The following ROCK1 variants were observed in gnomAD, a reference collection of about 807,000 sequenced individuals.
The protein encoded by ROCK1 is Rho associated coiled-coil containing protein kinase 1, also known as rho-associated protein kinase 1.
In ROCK1, 36 loss-of-function variants were observed where a neutral mutation model predicts 196.8. The observed-to-expected ratio is 0.18, with a 90% CI of 0.14 to 0.24. The LOEUF is 0.24. Among genes scored for constraint, ROCK1 ranks in the 10% least tolerant of loss-of-function variants. ROCK1 has a pLI of 1.00. For missense variants in ROCK1, 920 were observed against 1,562.0 expected (o/e 0.59, Z 6.93); for synonymous variants, 443 against 515.9 (o/e 0.86, Z 1.91).
At chr18:21,005,189 A>G (rs950611250) in intron 16 of ROCK1, among the ~76,000 whole-genome samples, 1 of 152,228 alleles carries the variant, frequency 6.6e-6, no homozygotes, top group African/African-American at 2.4e-5. Flanking sequence ...TTGAAAACAA[A>G]CTGAATTTTA....
At position 21,044,194 on chromosome 18, in the gene ROCK1, A is replaced by G; in HGVS notation, c.591-8T>C. The G allele has an allele frequency of 6.2e-7, 1 of 1,603,076 alleles. No homozygotes were observed. The highest frequency in any genetic ancestry group is 8.5e-7 in the Non-Finnish European group (1 of 1,173,048). On this transcript the variant is annotated splice_polypyrimidine_tract_variant and splice_region_variant and intron_variant, in intron 5 of 32. Coordinates refer to ENST00000399799, the MANE Select transcript of ROCK1 (RefSeq NM_005406.3). Reference sequence around the variant, plus strand: ...TTATCAGGCTTCACATCTCTGCAGGAGGGAAAAAATAGTACAGTATTTTCT... The same window carrying G: ...TTATCAGGCTTCACATCTCTGCAGGGGGGAAAAAATAGTACAGTATTTTCT...
At chr18:20,986,626 G>C (rs1431028705) in intron 19 of ROCK1, among the ~76,000 whole-genome samples, 3 of 152,056 alleles carry the variant, frequency 2.0e-5, no homozygotes, top group African/African-American at 7.2e-5. Flanking sequence ...CTTTTCTTTG[G>C]GGATATAAGA....
intron 29 of ROCK1, among the ~76,000 whole-genome samples, chr18:20,957,905 C>T (rs2035261271): frequency 6.6e-6 from 1 of 152,088 alleles, no homozygotes; most frequent in Non-Finnish European, 1.5e-5. Context: ...ACCTTGGTCT[C>T]CCAAAGTGCT....
At chr18:21,024,573 A>T (rs1436393061) in intron 10 of ROCK1, among the ~76,000 whole-genome samples, 1 of 152,210 alleles carries the variant, frequency 6.6e-6, no homozygotes, top group Non-Finnish European at 1.5e-5. Context: ...GTTACAGTAT[A>T]CTTCATAGCT....
rs1464170860 is a variant in ROCK1 at position 21,063,257 on chromosome 18, T to C, written c.175+7275A>G. 9.9e-5 allele frequency among the ~76,000 whole-genome samples: 15 copies of C among 152,178 alleles called. No individual in the cohort carries two copies. In the South Asian group the frequency reaches 3.1e-3, roughly 32 times the overall value. On this transcript the variant is annotated intron_variant, in intron 2 of 32. Transcript: ENST00000399799. ...ACTTTAATGAGTTTTGGTGGGGGCATTCAAACCACAGCAGGTACCAATTAA... is the reference window on the plus strand; with the variant it reads ...ACTTTAATGAGTTTTGGTGGGGGCACTCAAACCACAGCAGGTACCAATTAA...
chr18:20,952,810 C>A (rs1301669256), intron 32 of ROCK1, among the ~76,000 whole-genome samples: 12 of 151,652 alleles, frequency 7.9e-5, no homozygotes, highest in Non-Finnish European at 1.8e-4. Context: ...GTCATGAGTT[C>A]ACATCCTTTG....
chr18:20,971,339 C>T (rs865834858), intron 22 of ROCK1, among the ~76,000 whole-genome samples: 1,676 of 99,030 alleles, frequency 0.017, 35 homozygotes, highest in African/African-American at 0.056. Flanking sequence ...CACACACACA[C>T]ACACATACAC....
intron 29 of ROCK1, among the ~76,000 whole-genome samples, chr18:20,957,273 G>A (rs1598506171): frequency 6.6e-6 from 1 of 152,344 alleles, no homozygotes; most frequent in Non-Finnish European, 1.5e-5. Flanking sequence ...CACAAAAATG[G>A]ATAAACAAAT....
chr18:21,006,899 C>CATTA, intron 14 of ROCK1, 109 bp from the exon 15 acceptor site: 1 of 713,664 alleles, frequency 1.4e-6, no homozygotes, highest in Non-Finnish European at 2.2e-6. Flanking sequence ...TAGTCAGCTA[C>CATTA]ATTAGGTCCA....
At position 20,951,324 on chromosome 18, in the gene ROCK1, A is replaced by G. The variant is rs2143311867; in HGVS notation, c.*60T>C. ...ACAGCCTGTCTGCTCTGCATGGTTAAAGAAGCCTGGTTTATCAGGTAGCAT... is the reference window on the plus strand; with the variant it reads ...ACAGCCTGTCTGCTCTGCATGGTTAGAGAAGCCTGGTTTATCAGGTAGCAT... On this transcript the variant is annotated 3_prime_UTR_variant, in exon 33 of 33. Coordinates refer to ENST00000399799, the MANE Select transcript of ROCK1 (RefSeq NM_005406.3). The G allele has an allele frequency of 4.5e-6, 7 of 1,546,040 alleles. No individual in the cohort carries two copies. Among genetic ancestry groups the G allele is most frequent in the Non-Finnish European group, 5.3e-6 (6 of 1,130,268 alleles).
chr18:20,947,089 T>C lies in ROCK1; in HGVS notation c.*4295A>G, dbSNP rs1259374373. 6.6e-6 allele frequency: 1 copy of C among 152,220 alleles called. No homozygotes were observed. Among genetic ancestry groups the C allele is most frequent in the Non-Finnish European group, 1.5e-5 (1 of 68,038 alleles). 9.4% of individuals were successfully genotyped at this position (152,220 alleles called of 1,614,324 possible). A position where few individuals can be genotyped will look rare whatever the true frequency, so the allele number is the denominator to read the frequency against. On this transcript the variant is annotated 3_prime_UTR_variant, in exon 33 of 33. Transcript: ENST00000399799. Reference sequence around the variant, plus strand: ...AATACTTTATGGGAAACAGTATAGCTTGGGAGAAAGTATCATATCTTAATT... The same window carrying C: ...AATACTTTATGGGAAACAGTATAGCCTGGGAGAAAGTATCATATCTTAATT...
intron 18 of ROCK1, among the ~76,000 whole-genome samples, chr18:20,987,940 T>C (rs2035591039): frequency 3.3e-5 from 5 of 152,180 alleles, no homozygotes; most frequent in African/African-American, 1.2e-4. Flanking sequence ...CAGACTTAGA[T>C]ACCAATTGAC....
intron 18 of ROCK1, among the ~76,000 whole-genome samples, chr18:20,990,948 C>T (rs1362057245): frequency 6.6e-5 from 10 of 151,706 alleles, no homozygotes; most frequent in East Asian, 2.0e-4. Flanking sequence ...TTAGTAGAGA[C>T]GGGGTTTCAC....
Position 20,991,169 on chromosome 18 carries a change from CACTT to C in ROCK1, c.2143+3_2143+6del. ...AATTTTGTAAAAATATTAAAACTGA[CACTT>C]ACCACACATTGCCACAGACTTTGCC... On this transcript the variant is annotated splice_donor_5th_base_variant and intron_variant, in intron 18 of 32. Transcript: ENST00000399799. 1 of 1,576,692 alleles carries C rather than the reference CACTT, an allele frequency of 6.3e-7. No individual in the cohort carries two copies. Among genetic ancestry groups the C allele is most frequent in the Non-Finnish European group, 8.6e-7 (1 of 1,168,660 alleles).
At chr18:21,038,764 T>G (rs2036079548) in intron 9 of ROCK1, among the ~76,000 whole-genome samples, 1 of 152,114 alleles carries the variant, frequency 6.6e-6, no homozygotes, top group South Asian at 2.1e-4. Flanking sequence ...GGGAAAAAAA[T>G]CCTAAGATGT....
At chr18:21,023,891 C>A (rs1214447719) in intron 10 of ROCK1, among the ~76,000 whole-genome samples, 7 of 152,078 alleles carry the variant, frequency 4.6e-5, no homozygotes, top group Admixed American at 4.6e-4. Flanking sequence ...AAAATAGTAG[C>A]AGCCTGTAAA....
chr18:21,006,837 G>A lies in ROCK1; in HGVS notation c.1547-47C>T, dbSNP rs775653544. 3.2e-6 allele frequency: 4 copies of A among 1,243,218 alleles called. No individual in the cohort carries two copies. The South Asian group carries it at 4.2e-5, about 13-fold the overall frequency. 77.0% of individuals were successfully genotyped at this position (1,243,218 alleles called of 1,614,324 possible). On this transcript the variant is annotated intron_variant, in intron 14 of 32. Transcript: ENST00000399799. ...TATAGAAATTACAACATTTTCATAG[G>A]GGAAACATATAAATCCTTTTTTAAA... is the stretch of plus-strand genomic sequence containing the variant.
rs569045489 is a variant in ROCK1 at position 21,064,105 on chromosome 18, AT to A, written c.175+6426del. Among the ~76,000 whole-genome samples, 8 of 152,102 alleles carry A rather than the reference AT, an allele frequency of 5.3e-5. No individual in the cohort carries two copies. The South Asian group carries it at 1.2e-3, about 24-fold the overall frequency. ...AAAAGAAAAAACAAGCAACTAAGTAATTTTTTTTAATATCCAACCCATTAAC... is the reference window on the plus strand; with the variant it reads ...AAAAGAAAAAACAAGCAACTAAGTAATTTTTTTAATATCCAACCCATTAAC... On this transcript the variant is annotated intron_variant, in intron 2 of 32. Transcript: ENST00000399799.
Position 20,959,436 on chromosome 18 carries a change from T to C in ROCK1, c.3512+404A>G, listed in dbSNP as rs2035304890. 6.0e-5 allele frequency among the ~76,000 whole-genome samples: 9 copies of C among 150,936 alleles called. No individual in the cohort carries two copies. In the Admixed American group the frequency reaches 6.0e-4, roughly 10 times the overall value. On this transcript the variant is annotated intron_variant, in intron 29 of 32. Coordinates refer to ENST00000399799, the MANE Select transcript of ROCK1 (RefSeq NM_005406.3). ...CATGTTGGTCAGGCTGGTCTTGAAT[T>C]CCTGACCTCAGGTGATCCACCTGCC...
Sources: gnomAD v4.1 joint callset for allele counts (sites outside exome capture counted in the v4.1 genomes callset) on GRCh38, gnomAD v4.1.1 for gene constraint, MANE v1.5 for transcripts, NCBI Gene and HGNC (gene_info 2026-07-23, HGNC 2026-07-21) for gene names.